PAPOLG: variants seen among roughly 807,000 people sequenced by gnomAD.
PAPOLG encodes the protein poly(A) polymerase gamma.
A neutral mutation model predicts 99.0 loss-of-function variants in PAPOLG; 40 were observed. That is an observed-to-expected ratio of 0.40 (90% confidence interval 0.31 to 0.53). The LOEUF (loss-of-function observed/expected upper bound fraction) is 0.53. PAPOLG is among the 20% of genes least tolerant of loss of function. The pLI is 0.41. For synonymous variants in PAPOLG, 310 were observed against 299.3 expected, an observed-to-expected ratio of 1.04 and a Z score of -0.37; for missense variants, 675 against 884.1, an observed-to-expected ratio of 0.76 and a Z score of 3.00.
In PAPOLG at chr2:60,794,056, C is replaced by T. The variant is rs1553381034; in HGVS notation, c.1854C>T (p.Ile618=). ...TVVGRNVIPR[I]TTPHNPAQGQ... ...TAGGACGAAATGTCATTCCTAGAAT[C>T]ACAACACCTCACAACCCTGCCCAGG... Residue 618 remains isoleucine (I), a synonymous_variant, in exon 19 of 22, where the codon ATC becomes ATT. Coordinates refer to ENST00000238714, the MANE Select transcript of PAPOLG (RefSeq NM_022894.4). The T allele has an allele frequency of 6.2e-7, 1 of 1,614,084 alleles. No individual in the cohort carries two copies. Among genetic ancestry groups the T allele is most frequent in the Non-Finnish European group, 8.5e-7 (1 of 1,179,936 alleles).
Position 60,791,898 on chromosome 2 carries a change from T to C in PAPOLG, c.1518+16T>C, listed in dbSNP as rs1158137549. On this transcript the variant is annotated intron_variant, in intron 16 of 21. Coordinates refer to ENST00000238714, the MANE Select transcript of PAPOLG (RefSeq NM_022894.4). ...GAAGAAAAAGGTGAGTTTATAATCT[T>C]AACCCTTCAGTATGGTTTTACTCAG... The C allele has an allele frequency of 2.5e-6, 4 of 1,609,474 alleles. No homozygotes were observed. Among genetic ancestry groups the C allele is most frequent in the Non-Finnish European group, 3.4e-6 (4 of 1,178,670 alleles).
At chr2:60,774,500 G>A (rs894130500) in intron 7 of PAPOLG, among the ~76,000 whole-genome samples, 20 of 152,076 alleles carry the variant, frequency 1.3e-4, no homozygotes, top group African/African-American at 4.6e-4. Flanking sequence ...TGAGTAGCTG[G>A]GAATATAGAT....
chr2:60,760,878 C>T (rs138397122), intron 2 of PAPOLG, among the ~76,000 whole-genome samples: 32 of 152,300 alleles, frequency 2.1e-4, no homozygotes, highest in Middle Eastern at 3.4e-3. Flanking sequence ...AAAGTTTTAA[C>T]AGTCACTCTG....
intron 7 of PAPOLG, 111 bp downstream of exon 7, chr2:60,771,741 G>A: frequency 8.3e-7 from 1 of 1,208,972 alleles, no homozygotes; most frequent in Non-Finnish European, 1.2e-6. Context: ...AGTTTAAAAT[G>A]TAATTTTCCT....
rs989465137 is a variant in PAPOLG at position 60,801,453 on chromosome 2, T to C, written c.*4293T>C. 2.6e-5 allele frequency: 4 copies of C among 151,266 alleles called. No homozygotes were observed. The highest frequency in any genetic ancestry group is 9.7e-5 in the African/African-American group (4 of 41,162). 9.4% of individuals were successfully genotyped at this position (151,266 alleles called of 1,614,324 possible). On this transcript the variant is annotated 3_prime_UTR_variant, in exon 22 of 22. Coordinates refer to ENST00000238714, the MANE Select transcript of PAPOLG (RefSeq NM_022894.4). ...CCCAAATTGTCTATTTTTTCTTTTC[T>C]TTTTTTTTAAGATGGAGTCTCGCTC...
intron 18 of PAPOLG, 58 bp downstream of exon 18, chr2:60,793,773 T>C: frequency 6.5e-7 from 1 of 1,547,296 alleles, no homozygotes; most frequent in South Asian, 1.2e-5. Context: ...TAGCTAGGCA[T>C]GGTGGCACAC....
At position 60,801,516 on chromosome 2, in the gene PAPOLG, T is replaced by C. The variant is rs1443139153; in HGVS notation, c.*4356T>C. 6.6e-6 allele frequency: 1 copy of C among 152,102 alleles called. No individual in the cohort carries two copies. 9.4% of individuals were successfully genotyped at this position (152,102 alleles called of 1,614,324 possible). A position where few individuals can be genotyped will look rare whatever the true frequency, so the allele number is the denominator to read the frequency against. On this transcript the variant is annotated 3_prime_UTR_variant, in exon 22 of 22. Coordinates refer to ENST00000238714, the MANE Select transcript of PAPOLG (RefSeq NM_022894.4). ...TGGAATGCAGTGGCGCAATCTTGGC[T>C]CATTGCAACCTCCACCTCCCAGGTG...
intron 3 of PAPOLG, among the ~76,000 whole-genome samples, chr2:60,765,220 C>T (rs890338970): frequency 2.7e-5 from 4 of 150,774 alleles, no homozygotes; most frequent in African/African-American, 9.7e-5. Flanking sequence ...AGGTACACAT[C>T]CTGATGCCTA....
chr2:60,791,806 A>G lies in PAPOLG; in HGVS notation c.1442A>G (p.Lys481Arg). 10 of 1,613,728 alleles carry G rather than the reference A, an allele frequency of 6.2e-6. No homozygotes were observed. The highest frequency in any genetic ancestry group is 8.5e-6 in the Non-Finnish European group (10 of 1,179,894). The change falls in exon 16 of 22, where the codon AAA (lysine) becomes AGA (arginine). Residue 481 changes from lysine (K) to arginine (R), a missense_variant. Around this residue, in one of 3 missense-constraint regions of PAPOLG, gnomAD observed 413 missense variants for 460.5 expected, o/e 0.90. Coordinates refer to ENST00000238714, the MANE Select transcript of PAPOLG (RefSeq NM_022894.4). ...ATAAATATGCTAAAGGAGGGAATGAAAATTGAAGCAACTCATGTAAAGAAA... is the reference window on the plus strand; with the variant it reads ...ATAAATATGCTAAAGGAGGGAATGAGAATTGAAGCAACTCATGTAAAGAAA... ...NNINMLKEGM[K>R]IEATHVKKKQ...
chr2:60,762,372 T>C (rs1226555673), intron 3 of PAPOLG, among the ~76,000 whole-genome samples: 3 of 152,148 alleles, frequency 2.0e-5, no homozygotes, highest in Non-Finnish European at 4.4e-5. Context: ...TGAAATTGAT[T>C]ACAATTTCCT....
Position 60,761,545 on chromosome 2 carries a change from A to G in PAPOLG, c.180-196A>G, listed in dbSNP as rs1670521305. ...AAACTAAAATACTGTAATCAGATTT[A>G]TCACCTCTTTGGCACTGTTAAGGAT... is the stretch of plus-strand genomic sequence containing the variant. On this transcript the variant is annotated intron_variant, in intron 2 of 21. Transcript: ENST00000238714. Among the ~76,000 whole-genome samples the G allele has an allele frequency of 2.6e-5, 4 of 152,192 alleles. No individual in the cohort carries two copies. In the South Asian group the frequency reaches 8.3e-4, roughly 31 times the overall value.
chr2:60,775,193 A>G (rs1285351192), intron 8 of PAPOLG, 70 bp downstream of exon 8: 2 of 1,496,288 alleles, frequency 1.3e-6, no homozygotes, highest in Non-Finnish European at 1.8e-6. Context: ...AAAGAAGCAT[A>G]TATAGAAACT....
chr2:60,773,380 C>T lies in PAPOLG; in HGVS notation c.605-1654C>T, dbSNP rs374287071. Among the ~76,000 whole-genome samples, 5 of 152,150 alleles carry T rather than the reference C, an allele frequency of 3.3e-5. No homozygotes were observed. In the East Asian group the frequency reaches 5.8e-4, roughly 18 times the overall value. ...TCTTTGTAGATTTGCCTCTTAAAGA[C>T]GTTTCATATAAAAATAATCCTATGT... On this transcript the variant is annotated intron_variant, in intron 7 of 21. Transcript: ENST00000238714.
intron 21 of PAPOLG, among the ~76,000 whole-genome samples, chr2:60,796,027 C>T (rs1379492214): frequency 6.6e-6 from 1 of 151,998 alleles, no homozygotes; most frequent in Admixed American, 6.6e-5. Flanking sequence ...TTGGTTTTGG[C>T]ATTTAAGTCC....
chr2:60,793,877 C>T lies in PAPOLG; in HGVS notation c.1769-94C>T, dbSNP rs573792283. ...AGTGAGCTGTGATCAAGCCACTGCA[C>T]TGCAGCCTGGGTGATGGGAATGAGA... On this transcript the variant is annotated intron_variant, in intron 18 of 21. Coordinates refer to ENST00000238714, the MANE Select transcript of PAPOLG (RefSeq NM_022894.4). The T allele has an allele frequency of 4.1e-4, 599 of 1,445,610 alleles. No homozygotes were observed. The African/African-American group carries it at 7.8e-3, about 19-fold the overall frequency. 89.5% of individuals were successfully genotyped at this position (1,445,610 alleles called of 1,614,324 possible).
At chr2:60,775,252 T>C (rs1670981881) in intron 8 of PAPOLG, 129 bp downstream of exon 8, 1 of 1,098,328 alleles carries the variant, frequency 9.1e-7, no homozygotes, top group Non-Finnish European at 1.3e-6. Flanking sequence ...AACTCTGTAA[T>C]AGCTATTTGC....
chr2:60,796,249 G>A (rs1054316329), intron 21 of PAPOLG, among the ~76,000 whole-genome samples: 3 of 119,034 alleles, frequency 2.5e-5, no homozygotes, highest in Admixed American at 1.2e-4. Flanking sequence ...ATGGAGGCTC[G>A]CTCTGTAGCC....
intron 3 of PAPOLG, among the ~76,000 whole-genome samples, chr2:60,764,863 T>G (rs1167067386): frequency 6.6e-6 from 1 of 152,210 alleles, no homozygotes; most frequent in African/African-American, 2.4e-5. Flanking sequence ...AACATGGTAT[T>G]TATGCTATTT....
At chr2:60,760,533 C>T (rs998194326) in intron 2 of PAPOLG, among the ~76,000 whole-genome samples, 2 of 152,036 alleles carry the variant, frequency 1.3e-5, no homozygotes, top group Non-Finnish European at 2.9e-5. Flanking sequence ...TGAGAAAAAG[C>T]TGAGGGGGTA....
Sources: gnomAD v4.1 joint callset for allele counts (sites outside exome capture counted in the v4.1 genomes callset) on GRCh38, gnomAD v4.1.1 for gene constraint, gnomAD v4.1.1 regional missense constraint, MANE v1.5 for transcripts, NCBI Gene and HGNC (gene_info 2026-07-23, HGNC 2026-07-21) for gene names.